Variants in NBEA observed in about 807,000 individuals in gnomAD.
NBEA encodes lysosomal-trafficking regulator 2.
A neutral mutation model predicts 343.4 loss-of-function variants in NBEA; 44 were observed. That is an observed-to-expected ratio of 0.13 (90% CI 0.10 to 0.16). The LOEUF (loss-of-function observed/expected upper bound fraction) is 0.16. NBEA is among the 10% of genes least tolerant of loss of function. The probability of loss-of-function intolerance (pLI) is 1.00; values close to 1 mark genes in which losing one functional copy is unlikely to be tolerated. For synonymous variants in NBEA, 1,175 were observed against 1,238.7 expected, an observed-to-expected ratio of 0.95 and a Z score of 1.08; for missense variants, 2,555 against 3,631.3, an observed-to-expected ratio of 0.70 and a Z score of 7.62.
chr13:35,019,812 A>G (rs1440189908), intron 1 of NBEA, among the ~76,000 whole-genome samples: 1 of 152,190 alleles, frequency 6.6e-6, no homozygotes, highest in Non-Finnish European at 1.5e-5. Flanking sequence ...CACAAGAATA[A>G]CTTATCTCTT....
chr13:35,467,426 C>G (rs950512820), intron 40 of NBEA, among the ~76,000 whole-genome samples: 1 of 151,686 alleles, frequency 6.6e-6, no homozygotes, highest in Non-Finnish European at 1.5e-5. Context: ...AGCCAGAGAT[C>G]ATGCCACTGC....
intron 1 of NBEA, among the ~76,000 whole-genome samples, chr13:34,948,736 C>T (rs1417170412): frequency 6.6e-6 from 1 of 152,104 alleles, no homozygotes; most frequent in East Asian, 1.9e-4. Flanking sequence ...TTTAAATTGT[C>T]ACCTGTGTTA....
chr13:35,499,707 T>A (rs1465153426), intron 41 of NBEA, among the ~76,000 whole-genome samples: 2 of 152,134 alleles, frequency 1.3e-5, no homozygotes, highest in East Asian at 3.9e-4. Context: ...TTAAGCTGTA[T>A]ATTTCCTTGC....
intron 46 of NBEA, among the ~76,000 whole-genome samples, chr13:35,589,982 A>G (rs959442946): frequency 6.6e-6 from 1 of 152,126 alleles, no homozygotes; most frequent in African/African-American, 2.4e-5. Flanking sequence ...TTACCGTTTA[A>G]TATGTATTCA....
intron 6 of NBEA, among the ~76,000 whole-genome samples, chr13:35,053,641 G>C (rs897199925): frequency 1.1e-4 from 16 of 152,022 alleles, no homozygotes; most frequent in African/African-American, 3.4e-4. Flanking sequence ...TAGGGTACTT[G>C]GCATAAAGTA....
chr13:34,989,964 C>T (rs2060693302), intron 1 of NBEA, among the ~76,000 whole-genome samples: 2 of 151,110 alleles, frequency 1.3e-5, no homozygotes, highest in Admixed American at 1.3e-4. Context: ...AGGCAGTCAT[C>T]AAATTTTAAA....
chr13:35,112,433 C>T (rs1393441822), intron 13 of NBEA, among the ~76,000 whole-genome samples: 1 of 151,932 alleles, frequency 6.6e-6, no homozygotes, highest in Non-Finnish European at 1.5e-5. Flanking sequence ...CTATATATAA[C>T]TTTGTTTTTG....
At position 35,159,340 on chromosome 13, in the gene NBEA, G is replaced by A. The variant is rs1313460397; in HGVS notation, c.3169G>A (p.Val1057Ile). 6.2e-7 allele frequency: 1 copy of A among 1,613,488 alleles called. No homozygotes were observed. The highest frequency in any genetic ancestry group is 8.5e-7 in the Non-Finnish European group (1 of 1,179,656). ...ACATGTGGAAGTACATGATCTTTTA[G>A]TAGATATAAAAGCAGAGAAAGTGGA... ...GVHVEVHDLL[V>I]DIKAEKVEAT... Residue 1057 changes from valine (V) to isoleucine (I), a missense_variant, in exon 22 of 59, where the codon GTA (valine) becomes ATA (isoleucine). Physicochemically the swap from Val to Ile is conservative, Grantham distance 29 (BLOSUM62 3). Transcript: ENST00000379939.
intron 47 of NBEA, among the ~76,000 whole-genome samples, chr13:35,597,640 T>C (rs897449951): frequency 2.0e-5 from 3 of 152,170 alleles, no homozygotes; most frequent in African/African-American, 7.2e-5. Flanking sequence ...GGTTCATGAA[T>C]ATTAAGTGAC....
At chr13:35,384,660 G>T (rs73502729) in intron 38 of NBEA, among the ~76,000 whole-genome samples, 1,835 of 151,028 alleles carry the variant, frequency 0.012, 47 homozygotes, top group African/African-American at 0.043. Flanking sequence ...TGAGTAGCTA[G>T]AATTACAAGC....
intron 35 of NBEA, among the ~76,000 whole-genome samples, chr13:35,308,049 G>A (rs755441972): frequency 3.3e-5 from 5 of 151,850 alleles, no homozygotes; most frequent in Non-Finnish European, 7.4e-5. Flanking sequence ...TTCTCTCCTT[G>A]GGAGATTCAG....
chr13:35,439,322 A>G (rs2045609304), intron 39 of NBEA, among the ~76,000 whole-genome samples: 1 of 152,246 alleles, frequency 6.6e-6, no homozygotes, highest in East Asian at 1.9e-4. Flanking sequence ...AGTAGTTCCT[A>G]AAGGGGCACA....
intron 38 of NBEA, among the ~76,000 whole-genome samples, chr13:35,364,415 G>A (rs1159958832): frequency 2.6e-5 from 4 of 151,890 alleles, no homozygotes; most frequent in Non-Finnish European, 4.4e-5. Flanking sequence ...AAGTAAGGAA[G>A]TGGTTAAAAT....
chr13:35,334,105 T>C (rs117743720), intron 36 of NBEA, among the ~76,000 whole-genome samples: 5,350 of 152,224 alleles, frequency 0.035, 140 homozygotes, highest in Non-Finnish European at 0.054. Flanking sequence ...TTTTTAGTTT[T>C]TTGAGGAACC....
At chr13:35,447,836 A>T (rs1310015431) in intron 39 of NBEA, among the ~76,000 whole-genome samples, 1 of 152,188 alleles carries the variant, frequency 6.6e-6, no homozygotes, top group East Asian at 1.9e-4. Flanking sequence ...ATGATCTCAA[A>T]TAAATTCTCT....
intron 41 of NBEA, among the ~76,000 whole-genome samples, chr13:35,496,040 A>T (rs1381261972): frequency 1.3e-5 from 2 of 152,042 alleles, no homozygotes; most frequent in African/African-American, 4.8e-5. Flanking sequence ...ATTAATATGT[A>T]TACATGACCT....
intron 30 of NBEA, among the ~76,000 whole-genome samples, chr13:35,192,541 A>T (rs143541691): frequency 6.6e-6 from 1 of 152,090 alleles, no homozygotes; most frequent in East Asian, 1.9e-4. Context: ...AATAAAAATA[A>T]AATTGAGATG....
At chr13:35,486,579 A>G (rs2076308867) in intron 41 of NBEA, among the ~76,000 whole-genome samples, 1 of 152,046 alleles carries the variant, frequency 6.6e-6, no homozygotes, top group Admixed American at 6.6e-5. Context: ...GTTGCATCTT[A>G]CCAGGGTCAC....
chr13:35,306,926 A>G (rs910210453), intron 35 of NBEA, among the ~76,000 whole-genome samples: 8 of 152,060 alleles, frequency 5.3e-5, no homozygotes, highest in African/African-American at 1.9e-4. Flanking sequence ...ACTTTGCCCA[A>G]TGTTATGCCT....
Sources: allele counts gnomAD v4.1 joint callset (sites outside exome capture counted in the v4.1 genomes callset), GRCh38; gene constraint gnomAD v4.1.1; transcripts MANE v1.5; gene names NCBI Gene and HGNC (gene_info 2026-07-23, HGNC 2026-07-21).